Variants in ST3GAL1 observed in about 807,000 individuals in gnomAD.
The protein encoded by ST3GAL1 is ST3 beta-galactoside alpha-2,3-sialyltransferase 1.
ST3GAL1 carries 16 observed loss-of-function variants against 34.1 expected under a neutral mutation model. That is an observed-to-expected ratio of 0.47 (90% confidence interval 0.32 to 0.71). The LOEUF (loss-of-function observed/expected upper bound fraction) is 0.71. Among genes scored for constraint, ST3GAL1 ranks in the 30% least tolerant of loss-of-function variants. ST3GAL1 has a pLI of 0.04. For synonymous variants in ST3GAL1, 191 were observed against 184.7 expected (o/e 1.03, Z -0.28); for missense variants, 353 against 447.4 (o/e 0.79, Z 1.90).
At chr8:133,568,270 T>G (rs2131122920) in intron 1 of ST3GAL1, among the ~76,000 whole-genome samples, 1 of 152,254 alleles carries the variant, frequency 6.6e-6, no homozygotes, top group Non-Finnish European at 1.5e-5. Flanking sequence ...TGGAATAGTT[T>G]GGGAGCCAAG....
intron 3 of ST3GAL1, among the ~76,000 whole-genome samples, chr8:133,479,946 C>T (rs946235519): frequency 5.9e-5 from 9 of 152,224 alleles, no homozygotes; most frequent in Non-Finnish European, 1.2e-4. Flanking sequence ...CTCTAGCAAG[C>T]GTGGGGCAGC....
In ST3GAL1 at chr8:133,571,418, C is replaced by A. The variant is rs1180276651; in HGVS notation, c.-582+275G>T. Reference sequence around the variant, plus strand: ...TCGGCCGAAGACCCCTAAGCCCGAACCTCCACCCCGACCTTCTTCCTCTCC... The same window carrying A: ...TCGGCCGAAGACCCCTAAGCCCGAAACTCCACCCCGACCTTCTTCCTCTCC... On this transcript the variant is annotated intron_variant, in intron 1 of 9. Transcript: ENST00000522652. The surrounding 1 kb of genome is among the most constrained non-coding windows in gnomAD (Gnocchi z 6.7). Among the ~76,000 whole-genome samples, 1 of 152,182 alleles carries A rather than the reference C, an allele frequency of 6.6e-6. No individual in the cohort carries two copies. The highest frequency in any genetic ancestry group is 1.5e-5 in the Non-Finnish European group (1 of 68,024).
At chr8:133,510,046 T>A (rs1382359524) in intron 2 of ST3GAL1, among the ~76,000 whole-genome samples, 11 of 120,568 alleles carry the variant, frequency 9.1e-5, no homozygotes, top group Non-Finnish European at 1.8e-4. Flanking sequence ...GCAACAAGAG[T>A]GAAACTCTGT....
chr8:133,541,490 C>T (rs1419978998), intron 2 of ST3GAL1, among the ~76,000 whole-genome samples: 2 of 151,752 alleles, frequency 1.3e-5, no homozygotes, highest in Non-Finnish European at 2.9e-5. Context: ...CTCACTCCCA[C>T]ATGCAACTCA....
intron 5 of ST3GAL1, among the ~76,000 whole-genome samples, chr8:133,471,223 C>T (rs1432684573): frequency 6.6e-6 from 1 of 152,186 alleles, no homozygotes; most frequent in East Asian, 1.9e-4. Context: ...GTAGTACAGG[C>T]TCAAGATATG....
chr8:133,475,761 G>C lies in ST3GAL1; in HGVS notation c.264C>G (p.Ala88=). 6.2e-7 allele frequency: 1 copy of C among 1,612,504 alleles called. No homozygotes were observed. Among genetic ancestry groups the C allele is most frequent in the South Asian group, 1.1e-5 (1 of 90,940 alleles). The change falls in exon 5 of 10, where the codon GCC becomes GCG. Residue 88 remains alanine, a synonymous_variant. Coordinates refer to ENST00000522652, the MANE Select transcript of ST3GAL1 (RefSeq NM_173344.3). ...FNQTMQPLLT[A]QNALLEDDTY... ...TGTCGTCCTCCAAGAGCGCGTTCTG[G>C]GCGGTCAGCAGCGGCTGCATGGTCT...
intron 5 of ST3GAL1, among the ~76,000 whole-genome samples, chr8:133,472,936 G>C (rs1231976016): frequency 6.6e-6 from 1 of 151,604 alleles, no homozygotes; most frequent in Non-Finnish European, 1.5e-5. Context: ...TAAAACTAAT[G>C]TTTGCAGGGT....
intron 1 of ST3GAL1, among the ~76,000 whole-genome samples, chr8:133,561,269 C>T (rs902055159): frequency 2.0e-5 from 3 of 152,164 alleles, no homozygotes; most frequent in East Asian, 3.9e-4. Flanking sequence ...ATTTCCACCT[C>T]TGCAAGAAAA....
intron 7 of ST3GAL1, among the ~76,000 whole-genome samples, chr8:133,463,893 C>T (rs924040369): frequency 6.6e-6 from 1 of 152,172 alleles, no homozygotes; most frequent in Non-Finnish European, 1.5e-5. Context: ...CAAAGCTGGT[C>T]CCACGGGTGT....
intron 3 of ST3GAL1, among the ~76,000 whole-genome samples, chr8:133,479,773 C>A (rs1310165784): frequency 2.0e-5 from 3 of 152,186 alleles, no homozygotes; most frequent in Non-Finnish European, 2.9e-5. Context: ...TGCAGCCACA[C>A]CTCCAAGGCC....
chr8:133,537,753 G>A (rs1029894793), intron 2 of ST3GAL1, among the ~76,000 whole-genome samples: 1 of 152,176 alleles, frequency 6.6e-6, no homozygotes, highest in Non-Finnish European at 1.5e-5. Flanking sequence ...ATGAATGAAG[G>A]TCACGAGGCT....
intron 2 of ST3GAL1, 65 bp downstream of exon 2, chr8:133,545,709 A>G (rs1279359999): frequency 6.6e-6 from 1 of 152,192 alleles, no homozygotes; most frequent in Non-Finnish European, 1.5e-5. Flanking sequence ...TAATCAATGG[A>G]AAACAAAACA....
intron 2 of ST3GAL1, among the ~76,000 whole-genome samples, chr8:133,531,371 T>C (rs1172565645): frequency 6.6e-6 from 1 of 152,180 alleles, no homozygotes; most frequent in Non-Finnish European, 1.5e-5. Flanking sequence ...ACATAACCTG[T>C]ATAGCGTTTA....
intron 2 of ST3GAL1, among the ~76,000 whole-genome samples, chr8:133,521,560 G>A (rs1015029491): frequency 3.3e-5 from 5 of 152,162 alleles, no homozygotes; most frequent in Non-Finnish European, 5.9e-5. Flanking sequence ...GCCTCCCAAA[G>A]TGCTGGAATT....
At chr8:133,505,052 AT>A (rs957472504) in intron 2 of ST3GAL1, among the ~76,000 whole-genome samples, 32 of 152,284 alleles carry the variant, frequency 2.1e-4, no homozygotes, top group Middle Eastern at 3.4e-3. Context: ...GATGTAGTAC[AT>A]GTGAAACATC....
Position 133,540,836 on chromosome 8 carries a change from G to GAGACATATATAT in ST3GAL1, c.-429+4937_-429+4938insATATATATGTCT, listed in dbSNP as rs1563734034. Among the ~76,000 whole-genome samples, 22 of 48,370 alleles carry GAGACATATATAT rather than the reference G, an allele frequency of 4.5e-4. 2 individuals carry two copies. Among genetic ancestry groups the GAGACATATATAT allele is most frequent in the African/African-American group, 1.2e-3 (13 of 10,962 alleles). 31.7% of individuals were successfully genotyped at this position (48,370 alleles called of 152,430 possible). A position where few individuals can be genotyped will look rare whatever the true frequency, so the allele number is the denominator to read the frequency against. ...ACATATATATATAGACATATATATAGAGAGACATATATATAGAGACATATA... is the reference window on the plus strand; with the variant it reads ...ACATATATATATAGACATATATATAGAGACATATATATAGAGACATATATATAGAGACATATA... On this transcript the variant is annotated intron_variant, in intron 2 of 9. Coordinates refer to ENST00000522652, the MANE Select transcript of ST3GAL1 (RefSeq NM_173344.3).
At chr8:133,551,568 AAGAAAGAAAG>A (rs1328880778) in intron 1 of ST3GAL1, among the ~76,000 whole-genome samples, 16 of 148,408 alleles carry the variant, frequency 1.1e-4, no homozygotes, top group African/African-American at 4.1e-4. Context: ...GAAAGAAAGA[AAGAAAGAAAG>A]AAAGAAAGAA....
chr8:133,524,469 C>T (rs1205071189), intron 2 of ST3GAL1, among the ~76,000 whole-genome samples: 1 of 152,222 alleles, frequency 6.6e-6, no homozygotes, highest in Non-Finnish European at 1.5e-5. Flanking sequence ...ACCTCTGTGG[C>T]CAGCAGCGCC....
chr8:133,564,226 T>A (rs752644855), intron 1 of ST3GAL1, among the ~76,000 whole-genome samples: 5 of 152,208 alleles, frequency 3.3e-5, no homozygotes, highest in East Asian at 1.9e-4. Context: ...TGAAGTTCTC[T>A]CGGCTTTAAT....
Sources: allele counts gnomAD v4.1 joint callset (sites outside exome capture counted in the v4.1 genomes callset), GRCh38; gene constraint gnomAD v4.1.1; non-coding constraint Gnocchi (gnomAD v3.1); transcripts MANE v1.5; gene names NCBI Gene and HGNC (gene_info 2026-07-23, HGNC 2026-07-21).